LRRC4C: variants seen among roughly 807,000 people sequenced by gnomAD.
LRRC4C encodes leucine-rich repeat-containing protein 4C.
Under a neutral mutation model 33.6 loss-of-function variants are expected in LRRC4C, and 5 were observed. That is an observed-to-expected ratio of 0.15 (90% CI 0.08 to 0.31). The LOEUF (loss-of-function observed/expected upper bound fraction) is 0.31. LRRC4C is among the 10% of genes least tolerant of loss of function. LRRC4C has a pLI of 1.00. For missense variants in LRRC4C, 560 were observed against 796.7 expected, an observed-to-expected ratio of 0.70 and a Z score of 3.58; for synonymous variants, 329 against 302.0, an observed-to-expected ratio of 1.09 and a Z score of -0.93.
At chr11:41,025,529 GAA>G (rs34225878) in intron 1 of LRRC4C, among the ~76,000 whole-genome samples, 22 of 149,078 alleles carry the variant, frequency 1.5e-4, no homozygotes, top group East Asian at 4.0e-4. Context: ...TAAAAAAAAA[GAA>G]AAAAAAAAAC....
At chr11:41,012,373 G>T (rs1169845558) in intron 1 of LRRC4C, among the ~76,000 whole-genome samples, 1 of 152,004 alleles carries the variant, frequency 6.6e-6, no homozygotes, top group Non-Finnish European at 1.5e-5. Flanking sequence ...TTAATATCAT[G>T]ATATCCAGTT....
At chr11:41,211,987 C>T (rs886515639) in intron 1 of LRRC4C, among the ~76,000 whole-genome samples, 24 of 152,180 alleles carry the variant, frequency 1.6e-4, no homozygotes, top group African/African-American at 5.8e-4. Context: ...TCCTCTCCAG[C>T]ACCTGTTATT....
intron 1 of LRRC4C, among the ~76,000 whole-genome samples, chr11:41,181,044 G>A (rs528643064): frequency 6.6e-6 from 1 of 151,982 alleles, no homozygotes; most frequent in Non-Finnish European, 1.5e-5. Context: ...TAAGAATGTT[G>A]GTAATTAATA....
intron 3 of LRRC4C, among the ~76,000 whole-genome samples, chr11:40,598,293 A>C (rs1014117704): frequency 7.2e-5 from 11 of 152,188 alleles, no homozygotes; most frequent in Non-Finnish European, 1.2e-4. Flanking sequence ...AACCAACCAA[A>C]CAAACAAAGA....
At chr11:41,175,888 C>T (rs1945175652) in intron 1 of LRRC4C, among the ~76,000 whole-genome samples, 1 of 152,176 alleles carries the variant, frequency 6.6e-6, no homozygotes, top group South Asian at 2.1e-4. Context: ...CTGACTCGAT[C>T]TCCTTTCCTC....
intron 3 of LRRC4C, among the ~76,000 whole-genome samples, chr11:40,567,628 T>C (rs573795202): frequency 1.3e-5 from 2 of 152,292 alleles, no homozygotes; most frequent in East Asian, 1.9e-4. Context: ...TCCAGTCCCA[T>C]GACTCTGTAA....
intron 1 of LRRC4C, among the ~76,000 whole-genome samples, chr11:40,937,256 C>G (rs141326456): frequency 4.3e-4 from 60 of 139,420 alleles, no homozygotes; most frequent in African/African-American, 1.5e-3. Flanking sequence ...CAAGTGTGAG[C>G]TAAACATTGA....
intron 3 of LRRC4C, among the ~76,000 whole-genome samples, chr11:40,458,358 CTG>C (rs1565408832): frequency 6.6e-6 from 1 of 152,158 alleles, no homozygotes; most frequent in Non-Finnish European, 1.5e-5. Context: ...TCCTGTAATT[CTG>C]TGAGGCAAAT....
At chr11:41,428,659 T>C (rs1321622166) in intron 1 of LRRC4C, among the ~76,000 whole-genome samples, 1 of 152,160 alleles carries the variant, frequency 6.6e-6, no homozygotes, top group East Asian at 1.9e-4. Context: ...TTGTCACCTT[T>C]GCTGGTTAGA....
chr11:40,728,026 G>A (rs1327645552), intron 2 of LRRC4C, among the ~76,000 whole-genome samples: 2 of 151,190 alleles, frequency 1.3e-5, no homozygotes, highest in Non-Finnish European at 1.5e-5. Flanking sequence ...CTGGGTGACA[G>A]AGTGAGACTC....
chr11:40,845,418 T>C (rs4465359), intron 2 of LRRC4C, among the ~76,000 whole-genome samples: 1 of 152,082 alleles, frequency 6.6e-6, no homozygotes, highest in Non-Finnish European at 1.5e-5. Context: ...TGGCCAGAAC[T>C]TCCAATGCGG....
At chr11:41,154,902 A>G (rs756531034) in intron 1 of LRRC4C, among the ~76,000 whole-genome samples, 14 of 152,098 alleles carry the variant, frequency 9.2e-5, no homozygotes, top group Non-Finnish European at 1.5e-4. Context: ...GAGTGGTACG[A>G]TTATTTTGTG....
intron 3 of LRRC4C, among the ~76,000 whole-genome samples, chr11:40,346,696 TTAAAA>T (rs1180101374): frequency 3.9e-5 from 6 of 152,302 alleles, no homozygotes; most frequent in Admixed American, 3.9e-4. Flanking sequence ...GCCCCTGAAC[TTAAAA>T]TAAACGTTTT....
chr11:41,202,063 C>G (rs1165548366), intron 1 of LRRC4C, among the ~76,000 whole-genome samples: 1 of 152,166 alleles, frequency 6.6e-6, no homozygotes, highest in Admixed American at 6.5e-5. Flanking sequence ...ATTTTACTCC[C>G]TGCCCCACCT....
intron 3 of LRRC4C, among the ~76,000 whole-genome samples, chr11:40,557,110 G>T (rs1197880078): frequency 6.6e-6 from 1 of 152,014 alleles, no homozygotes; most frequent in African/African-American, 2.4e-5. Context: ...TATTGATATT[G>T]AAATAAAATG....
At chr11:41,250,051 C>A (rs1044048359) in intron 1 of LRRC4C, among the ~76,000 whole-genome samples, 1 of 151,980 alleles carries the variant, frequency 6.6e-6, no homozygotes, top group Non-Finnish European at 1.5e-5. Flanking sequence ...CGCCTGTAAT[C>A]CCAGCTACTT....
chr11:40,649,222 G>A (rs1180877790), intron 2 of LRRC4C, among the ~76,000 whole-genome samples: 1 of 152,114 alleles, frequency 6.6e-6, no homozygotes, highest in Non-Finnish European at 1.5e-5. Flanking sequence ...GTAAGCCTGA[G>A]GGTACTGCAG....
chr11:41,366,199 C>CAGACAGATAGAT (rs1269124005), intron 1 of LRRC4C, among the ~76,000 whole-genome samples: 18 of 148,796 alleles, frequency 1.2e-4, no homozygotes, highest in African/African-American at 4.2e-4. Context: ...GATAGATAGA[C>CAGACAGATAGAT]AGATAGATAG....
intron 3 of LRRC4C, among the ~76,000 whole-genome samples, chr11:40,377,085 G>A (rs1377101302): frequency 6.6e-6 from 1 of 152,078 alleles, no homozygotes; most frequent in Admixed American, 6.6e-5. Context: ...CACAGCATGA[G>A]AGAAGCTAAT....
Sources: gnomAD v4.1 joint callset for allele counts (sites outside exome capture counted in the v4.1 genomes callset) on GRCh38, gnomAD v4.1.1 for gene constraint, MANE v1.5 for transcripts, NCBI Gene and HGNC (gene_info 2026-07-23, HGNC 2026-07-21) for gene names.